AUTS2: variants seen among roughly 807,000 people sequenced by gnomAD.
The protein encoded by AUTS2 is activator of transcription and developmental regulator AUTS2, also known as autism susceptibility gene 2 protein.
Under a neutral mutation model 112.4 loss-of-function variants are expected in AUTS2, and 17 were observed. The observed-to-expected ratio is 0.15, with a 90% confidence interval of 0.10 to 0.23. The LOEUF (loss-of-function observed/expected upper bound fraction) is 0.23, where lower values mean the gene tolerates loss of function less well. Among genes scored for constraint, AUTS2 ranks in the 10% least tolerant of loss-of-function variants. The pLI is 1.00. For synonymous variants in AUTS2, 751 were observed against 702.7 expected (o/e 1.07, Z -1.09); for missense variants, 1,510 against 1,701.6 (o/e 0.89, Z 1.98).
chr7:70,529,436 A>G (rs1403175606), intron 5 of AUTS2, among the ~76,000 whole-genome samples: 7 of 152,230 alleles, frequency 4.6e-5, no homozygotes, highest in African/African-American at 1.4e-4. Context: ...AAAACTGTAC[A>G]GCTTCCAAGG....
chr7:69,644,913 T>C (rs1794955440), intron 1 of AUTS2, among the ~76,000 whole-genome samples: 1 of 151,972 alleles, frequency 6.6e-6, no homozygotes, highest in African/African-American at 2.4e-5. Context: ...TTGAATTCTG[T>C]TTTATTTTTC....
chr7:70,404,877 C>G (rs1377512093), intron 4 of AUTS2, among the ~76,000 whole-genome samples: 1 of 152,158 alleles, frequency 6.6e-6, no homozygotes, highest in Non-Finnish European at 1.5e-5. Flanking sequence ...TGCGTCTACC[C>G]AGATCCAATA....
intron 4 of AUTS2, among the ~76,000 whole-genome samples, chr7:70,350,523 T>C (rs1219181116): frequency 2.0e-5 from 3 of 152,074 alleles, no homozygotes; most frequent in African/African-American, 7.2e-5. Context: ...GTGCAGAGTT[T>C]ATAAAACCAT....
chr7:69,787,076 T>A (rs1042086627), intron 1 of AUTS2, among the ~76,000 whole-genome samples: 4 of 152,230 alleles, frequency 2.6e-5, no homozygotes, highest in Admixed American at 6.5e-5. Flanking sequence ...CAGCTCTTTC[T>A]GGCTTTCAGC....
At chr7:70,430,552 T>C (rs1197774651) in intron 4 of AUTS2, among the ~76,000 whole-genome samples, 1 of 152,162 alleles carries the variant, frequency 6.6e-6, no homozygotes, top group Non-Finnish European at 1.5e-5. Flanking sequence ...TTTCAGCATA[T>C]ACATGGTAGA....
chr7:70,330,587 C>G (rs548351364), intron 4 of AUTS2, among the ~76,000 whole-genome samples: 8 of 152,234 alleles, frequency 5.3e-5, no homozygotes, highest in African/African-American at 1.4e-4. Context: ...TCTCCTTTTA[C>G]AAGACTATTT....
intron 2 of AUTS2, among the ~76,000 whole-genome samples, chr7:69,922,484 C>T (rs917485308): frequency 6.6e-6 from 1 of 152,118 alleles, no homozygotes; most frequent in Non-Finnish European, 1.5e-5. Context: ...CTGTATAGGC[C>T]CTGGTATGTG....
intron 1 of AUTS2, among the ~76,000 whole-genome samples, chr7:69,697,932 C>T (rs145290137): frequency 5.9e-5 from 9 of 152,248 alleles, no homozygotes; most frequent in African/African-American, 1.4e-4. Context: ...TGTGATAACA[C>T]GGCAGTTTAT....
chr7:70,223,104 G>T (rs942182321), intron 4 of AUTS2, among the ~76,000 whole-genome samples: 1 of 151,978 alleles, frequency 6.6e-6, no homozygotes, highest in African/African-American at 2.4e-5. Flanking sequence ...GGCCAGGCTG[G>T]TCTTGAATTC....
chr7:69,662,761 T>C (rs565135065), intron 1 of AUTS2, among the ~76,000 whole-genome samples: 1 of 152,194 alleles, frequency 6.6e-6, no homozygotes, highest in Non-Finnish European at 1.5e-5. Context: ...TGTAGATTTT[T>C]CCCCTTATTT....
intron 4 of AUTS2, among the ~76,000 whole-genome samples, chr7:70,242,903 A>G (rs1404878839): frequency 6.6e-6 from 1 of 152,134 alleles, no homozygotes; most frequent in Non-Finnish European, 1.5e-5. Context: ...ATATATGGAA[A>G]TTACCCTTGT....
intron 5 of AUTS2, among the ~76,000 whole-genome samples, chr7:70,657,692 G>T: frequency 6.6e-6 from 1 of 152,198 alleles, no homozygotes; most frequent in Non-Finnish European, 1.5e-5. Context: ...GATCTGAGCT[G>T]TAACCTGACC....
chr7:70,583,867 G>A lies in AUTS2; in HGVS notation c.691-114702G>A, dbSNP rs966068116. 2.2e-4 allele frequency among the ~76,000 whole-genome samples: 34 copies of A among 152,232 alleles called. 1 individual carries two copies. The highest frequency in any genetic ancestry group is 7.3e-5 in the Non-Finnish European group (5 of 68,046). The stretch of plus-strand genomic sequence containing the variant: ...CAAGTGGACAATTATGGATAGCTCT[G>A]TAGAGCAGCGGTAAGCAGTGTTAAT... On this transcript the variant is annotated intron_variant, in intron 5 of 18. Coordinates refer to ENST00000342771, the MANE Select transcript of AUTS2 (RefSeq NM_015570.4).
At chr7:70,418,341 A>C (rs953743810) in intron 4 of AUTS2, among the ~76,000 whole-genome samples, 28 of 152,308 alleles carry the variant, frequency 1.8e-4, no homozygotes, top group African/African-American at 5.8e-4. Context: ...GAACTATGTT[A>C]AATCTCTTAA....
chr7:70,242,840 AAG>A (rs1812694463), intron 4 of AUTS2, among the ~76,000 whole-genome samples: 2 of 152,188 alleles, frequency 1.3e-5, no homozygotes, highest in Non-Finnish European at 2.9e-5. Flanking sequence ...AGCAAAAAGA[AAG>A]AGAGCAAGAG....
chr7:70,024,946 A>G (rs1800447988), intron 2 of AUTS2, among the ~76,000 whole-genome samples: 1 of 152,238 alleles, frequency 6.6e-6, no homozygotes, highest in Non-Finnish European at 1.5e-5. Context: ...TGTTTGATTA[A>G]TTAACTGGCT....
At chr7:70,206,483 G>T (rs1040733594) in intron 4 of AUTS2, among the ~76,000 whole-genome samples, 1 of 152,116 alleles carries the variant, frequency 6.6e-6, no homozygotes, top group Non-Finnish European at 1.5e-5. Flanking sequence ...AGAAAAAAAT[G>T]ATTTAAAATT....
intron 1 of AUTS2, among the ~76,000 whole-genome samples, chr7:69,878,148 T>C (rs955700301): frequency 6.6e-6 from 1 of 152,064 alleles, no homozygotes; most frequent in Non-Finnish European, 1.5e-5. Context: ...AGGATGGTGG[T>C]GGCAGGTAGG....
rs34869843 is a variant in AUTS2 at position 70,418,075 on chromosome 7, CTGTGTGTGTGTG to C, written c.661-17651_661-17640del. 5.1e-5 allele frequency among the ~76,000 whole-genome samples: 7 copies of C among 136,464 alleles called. No individual in the cohort carries two copies. The East Asian group carries it at 6.9e-4, about 13-fold the overall frequency. The allele number at this position is 136,464 out of a possible 152,430, so 89.5% of individuals were successfully genotyped here. ...TCACCCAGGCTTGGTGGCTAACTTT[CTGTGTGTGTGTG>C]TGTGTGTGTGTGTGTGTGTGTGTGT... is the stretch of plus-strand genomic sequence containing the variant. On this transcript the variant is annotated intron_variant, in intron 4 of 18. Transcript: ENST00000342771.
Sources: allele counts gnomAD v4.1 joint callset (sites outside exome capture counted in the v4.1 genomes callset), GRCh38; gene constraint gnomAD v4.1.1; transcripts MANE v1.5; gene names NCBI Gene and HGNC (gene_info 2026-07-23, HGNC 2026-07-21).